The following IMPG2 variants were observed in gnomAD, a reference collection of about 807,000 sequenced individuals.
The protein encoded by IMPG2 is interphotoreceptor matrix proteoglycan 2.
A neutral mutation model predicts 129.2 loss-of-function variants in IMPG2; 91 were observed. The ratio of observed to expected loss-of-function variants is 0.70; its 90% CI spans 0.59 to 0.84. The LOEUF is 0.84. Among genes scored for constraint, IMPG2 ranks in the 40% least tolerant of loss-of-function variants. IMPG2 has a pLI of 0.00. For synonymous variants in IMPG2, 510 were observed against 517.7 expected, an observed-to-expected ratio of 0.99 and a Z score of 0.20; for missense variants, 1,430 against 1,461.7, an observed-to-expected ratio of 0.98 and a Z score of 0.35.
At chr3:101,306,968 G>T (rs557395520) in intron 2 of IMPG2, among the ~76,000 whole-genome samples, 1 of 152,248 alleles carries the variant, frequency 6.6e-6, no homozygotes, top group South Asian at 2.1e-4. Flanking sequence ...ATATCTGGCA[G>T]AAAATATTCC....
intron 8 of IMPG2, 79 bp downstream of exon 8, chr3:101,269,436 G>T: frequency 1.2e-6 from 1 of 822,870 alleles, no homozygotes; most frequent in Non-Finnish European, 2.1e-6. Flanking sequence ...GTTAGAATAT[G>T]TGTGATAAAT....
intron 14 of IMPG2, among the ~76,000 whole-genome samples, chr3:101,240,242 C>T (rs1470528189): frequency 6.6e-6 from 1 of 152,034 alleles, no homozygotes; most frequent in Non-Finnish European, 1.5e-5. Context: ...CTCAGCCTCC[C>T]AAGTAGCTGG....
chr3:101,296,226 G>A (rs1707078468), intron 3 of IMPG2, among the ~76,000 whole-genome samples: 1 of 152,114 alleles, frequency 6.6e-6, no homozygotes, highest in South Asian at 2.1e-4. Context: ...TTATTATTTT[G>A]AGATATAGTC....
intron 11 of IMPG2, among the ~76,000 whole-genome samples, chr3:101,248,541 G>T (rs1438146091): frequency 6.6e-6 from 1 of 152,122 alleles, no homozygotes; most frequent in Non-Finnish European, 1.5e-5. Context: ...TGTGTGAGAA[G>T]GCTTTGAACT....
intron 17 of IMPG2, 74 bp downstream of exon 17, chr3:101,229,306 A>ACCCCCCCCCCCCCCCCC: frequency 5.5e-6 from 2 of 362,594 alleles, no homozygotes; most frequent in Admixed American, 3.2e-5. Context: ...ACACACCCCC[A>ACCCCCCCCCCCCCCCCC]CCCACCACCC....
chr3:101,244,498 C>T lies in IMPG2; in HGVS notation c.1833G>A (p.Leu611=). The part of the protein sequence containing the change: ...LGSGSGQKVD[L]ITWPWSETSS... ...AAGTCTCACTCCATGGCCAAGTAAT[C>T]AGATCTACCTTTTGCCCAGACCCTG... The change falls in exon 13 of 19, where the codon CTG becomes CTA. Residue 611 remains leucine (L), a synonymous_variant. Coordinates refer to ENST00000193391, the MANE Select transcript of IMPG2 (RefSeq NM_016247.4). 1 of 1,612,678 alleles carries T rather than the reference C, an allele frequency of 6.2e-7. No individual in the cohort carries two copies.
chr3:101,229,571 C>T lies in IMPG2; in HGVS notation c.3442G>A (p.Asp1148Asn), dbSNP rs764590260. ...SPFSGSSRQP[D>N]SLSSIENAVK... ...GCATTCTCAATAGATGAGAGGCTGTCAGGCTGCCTGCTGGAGCCACTAAAA... is the reference window on the plus strand; with the variant it reads ...GCATTCTCAATAGATGAGAGGCTGTTAGGCTGCCTGCTGGAGCCACTAAAA... Residue 1148 changes from aspartate to asparagine, a missense_variant, in exon 17 of 19, where the codon GAC becomes AAC. Coordinates refer to ENST00000193391, the MANE Select transcript of IMPG2 (RefSeq NM_016247.4). The T allele has an allele frequency of 2.8e-5, 45 of 1,613,814 alleles. No homozygotes were observed. The highest frequency in any genetic ancestry group is 3.8e-5 in the Non-Finnish European group (45 of 1,179,950).
intron 10 of IMPG2, among the ~76,000 whole-genome samples, chr3:101,256,207 AAGAAAGAAAG>A (rs1559646450): frequency 1.3e-5 from 2 of 150,982 alleles, no homozygotes; most frequent in Non-Finnish European, 3.0e-5. Flanking sequence ...GAAAGAAAGA[AAGAAAGAAAG>A]AAAAAAATAT....
Position 101,242,707 on chromosome 3 carries a change from G to T in IMPG2, c.3003C>A (p.Tyr1001Ter), listed in dbSNP as rs1159968574. The T allele has an allele frequency of 7.4e-6, 12 of 1,612,282 alleles. No individual in the cohort carries two copies. Among genetic ancestry groups the T allele is most frequent in the Non-Finnish European group, 1.0e-5 (12 of 1,178,396 alleles). The change falls in exon 14 of 19, where the codon TAC becomes TAA. Residue 1001 changes from tyrosine to a stop codon, truncating the protein, a stop_gained. Transcript: ENST00000193391. LOFTEE classifies it high-confidence loss of function. Reference protein sequence around the residue: ...YNTMNLAIDKYSLDVESGDEA... With the variant: ...YNTMNLAIDK ...TCATACCTGATTCCACATCAAGAGA[G>T]TATTTATCAATAGCCAAGTTCATGG...
chr3:101,226,476 A>G lies in IMPG2; in HGVS notation c.*493T>C, dbSNP rs1261082523. 2 of 152,378 alleles carry G rather than the reference A, an allele frequency of 1.3e-5. No homozygotes were observed. Among genetic ancestry groups the G allele is most frequent in the East Asian group, 3.9e-4 (2 of 5,182 alleles). The allele number at this position is 152,378 out of a possible 1,614,324, so 9.4% of individuals were successfully genotyped here. On this transcript the variant is annotated 3_prime_UTR_variant, in exon 19 of 19. Transcript: ENST00000193391. ...AAAAAAAAGAAAGAATTTTATTTAG[A>G]TGAATGCCTGATTATAAACTATCCA... is the stretch of plus-strand genomic sequence containing the variant.
intron 15 of IMPG2, 63 bp downstream of exon 15, chr3:101,232,718 G>T: frequency 2.9e-6 from 4 of 1,368,708 alleles, no homozygotes; most frequent in Middle Eastern, 4.2e-4. Context: ...ATAGGTGCAG[G>T]CCCCTTTTCT....
Position 101,232,798 on chromosome 3 carries a change from C to G in IMPG2, c.3216G>C (p.Gly1072=). Residue 1072 remains glycine (G), a synonymous_variant, in exon 15 of 19, where the codon GGG becomes GGC. Coordinates refer to ENST00000193391, the MANE Select transcript of IMPG2 (RefSeq NM_016247.4). ...LNDGKCDIMP[G]HGAICRCRVG... ...CAACATACCTACAAATGGCCCCGTGCCCAGGCATAATGTCACACTTTCCAT... is the reference window on the plus strand; with the variant it reads ...CAACATACCTACAAATGGCCCCGTGGCCAGGCATAATGTCACACTTTCCAT... 1 of 1,613,578 alleles carries G rather than the reference C, an allele frequency of 6.2e-7. No individual in the cohort carries two copies. Among genetic ancestry groups the G allele is most frequent in the South Asian group, 1.1e-5 (1 of 91,042 alleles).
At chr3:101,319,106 C>G (rs2107148264) in intron 2 of IMPG2, among the ~76,000 whole-genome samples, 1 of 152,074 alleles carries the variant, frequency 6.6e-6, no homozygotes, top group South Asian at 2.1e-4. Flanking sequence ...TGTGGGTATA[C>G]TTAGGCATTT....
At chr3:101,228,773 T>TG (rs774466527) in intron 18 of IMPG2, 24 bp downstream of exon 18, 134 of 1,584,004 alleles carry the variant, frequency 8.5e-5, no homozygotes, top group Non-Finnish European at 1.1e-4. Context: ...TAGGTCGGGG[T>TG]GGGGGGCTGT....
intron 9 of IMPG2, among the ~76,000 whole-genome samples, chr3:101,259,150 T>C (rs1706643213): frequency 6.6e-6 from 1 of 152,088 alleles, no homozygotes; most frequent in Admixed American, 6.6e-5. Flanking sequence ...TGAGGGCAGC[T>C]CAATACCACT....
chr3:101,238,168 A>AG (rs1706368132), intron 14 of IMPG2, among the ~76,000 whole-genome samples: 1 of 152,084 alleles, frequency 6.6e-6, no homozygotes, highest in South Asian at 2.1e-4. Flanking sequence ...ACAAGGTTAG[A>AG]GAAAAAACAA....
At chr3:101,299,847 C>T (rs1384835448) in intron 3 of IMPG2, among the ~76,000 whole-genome samples, 9 of 152,182 alleles carry the variant, frequency 5.9e-5, no homozygotes, top group Non-Finnish European at 1.3e-4. Flanking sequence ...TATAGGGTGT[C>T]TGACAACCCC....
At chr3:101,275,848 AGTTT>A in intron 5 of IMPG2, 103 bp from the exon 6 acceptor site, 1 of 854,802 alleles carries the variant, frequency 1.2e-6, no homozygotes, top group Non-Finnish European at 1.9e-6. Flanking sequence ...TCCTATAAAT[AGTTT>A]GTTTTATTGT....
At position 101,225,073 on chromosome 3, in the gene IMPG2, T is replaced by G. The variant is rs1392521375; in HGVS notation, c.*1896A>C. ...AGGTTAATTTGTGATAAAATACACT[T>G]TCATCTAACACGTAGTATAGGAAAA... is the stretch of plus-strand genomic sequence containing the variant. On this transcript the variant is annotated 3_prime_UTR_variant, in exon 19 of 19. Transcript: ENST00000193391. The G allele has an allele frequency of 6.6e-6, 1 of 152,230 alleles. No individual in the cohort carries two copies. Among genetic ancestry groups the G allele is most frequent in the Non-Finnish European group, 1.5e-5 (1 of 68,040 alleles). 9.4% of individuals were successfully genotyped at this position (152,230 alleles called of 1,614,324 possible).
Sources: allele counts gnomAD v4.1 joint callset (sites outside exome capture counted in the v4.1 genomes callset), GRCh38; gene constraint gnomAD v4.1.1; transcripts MANE v1.5; gene names NCBI Gene and HGNC (gene_info 2026-07-23, HGNC 2026-07-21).